Variants in TLN2 observed in about 807,000 individuals in gnomAD.
The protein encoded by TLN2 is talin 2, also known as talin-2.
TLN2 carries 118 observed loss-of-function variants against 294.7 expected under a neutral mutation model. That is an observed-to-expected ratio of 0.40 (90% CI 0.34 to 0.47). TLN2 has a LOEUF of 0.47. Among genes scored for constraint, TLN2 ranks in the 20% least tolerant of loss-of-function variants. TLN2 has a pLI of 0.84. For synonymous variants in TLN2, 1,431 were observed against 1,304.5 expected (o/e 1.10, Z -2.09); for missense variants, 3,083 against 3,282.2 (o/e 0.94, Z 1.48).
At position 62,653,162 on chromosome 15, in the gene TLN2, G is replaced by C. The variant is rs1253767261; in HGVS notation, c.365G>C (p.Gly122Ala). Reference protein sequence around the residue: ...ELLVTICSRIGITNYEEYSLI... With the variant: ...ELLVTICSRIAITNYEEYSLI... Reference sequence around the variant, plus strand: ...TTATAACCTAATTTCCAATGTTTAGGAATAACAAATTATGAAGAATACTCC... The same window carrying C: ...TTATAACCTAATTTCCAATGTTTAGCAATAACAAATTATGAAGAATACTCC... Residue 122 changes from glycine to alanine, a missense_variant and splice_region_variant, in exon 7 of 59, where the codon GGA (glycine) becomes GCA (alanine). Transcript: ENST00000636159. 2 of 1,556,208 alleles carry C rather than the reference G, an allele frequency of 1.3e-6. No individual in the cohort carries two copies. The highest frequency in any genetic ancestry group is 2.4e-5 in the South Asian group (2 of 82,896).
Position 62,767,545 on chromosome 15 carries a change from G to C in TLN2, c.5196+1123G>C, listed in dbSNP as rs1185471809. 2.6e-5 allele frequency among the ~76,000 whole-genome samples: 4 copies of C among 152,220 alleles called. No individual in the cohort carries two copies. The East Asian group carries it at 7.7e-4, about 29-fold the overall frequency. On this transcript the variant is annotated intron_variant, in intron 41 of 58. Transcript: ENST00000636159. ...GTAGAGACGGGGTTTCTCCGTGTTG[G>C]TCAGGCTGGTCTCAAACTCCCAACC...
Position 62,652,034 on chromosome 15 carries a change from A to C in TLN2, c.264A>C (p.Arg88Ser). The change falls in exon 6 of 59, where the codon AGA becomes AGC. Residue 88 changes from arginine (R) to serine (S), a missense_variant. Coordinates refer to ENST00000636159, the MANE Select transcript of TLN2 (RefSeq NM_015059.3). ...GDILEYKKKQ[R>S]PQKIRMLDGS... ...TTTTGGAATATAAAAAGAAACAGAG[A>C]CCTCAGAAAATCCGGATGCTGGATG... is the stretch of plus-strand genomic sequence containing the variant. The C allele has an allele frequency of 6.2e-7, 1 of 1,611,336 alleles. No homozygotes were observed. The highest frequency in any genetic ancestry group is 8.5e-7 in the Non-Finnish European group (1 of 1,178,366).
intron 3 of TLN2, among the ~76,000 whole-genome samples, chr15:62,646,104 G>C (rs1298649596): frequency 2.0e-5 from 3 of 152,114 alleles, no homozygotes; most frequent in Non-Finnish European, 4.4e-5. Context: ...GCATTTATGA[G>C]CAAGTTCAAA....
chr15:62,795,390 TC>T (rs1023477723), intron 46 of TLN2, among the ~76,000 whole-genome samples: 2 of 152,076 alleles, frequency 1.3e-5, no homozygotes, highest in African/African-American at 4.8e-5. Flanking sequence ...GTTAGTGTGG[TC>T]AGGTTTATGT....
intron 1 of TLN2, among the ~76,000 whole-genome samples, chr15:62,526,991 C>A (rs528711366): frequency 1.3e-5 from 2 of 152,116 alleles, no homozygotes; most frequent in African/African-American, 4.8e-5. Context: ...TGTATATTTA[C>A]AATATACATA....
chr15:62,711,805 G>C, intron 21 of TLN2, 106 bp from the exon 22 acceptor site: 2 of 1,291,068 alleles, frequency 1.5e-6, no homozygotes, highest in South Asian at 3.5e-5. Flanking sequence ...CAGTTTTTTT[G>C]CTCCTGCTTA....
At chr15:62,816,181 G>A (rs1247397848) in intron 52 of TLN2, among the ~76,000 whole-genome samples, 1 of 152,202 alleles carries the variant, frequency 6.6e-6, no homozygotes, top group Non-Finnish European at 1.5e-5. Flanking sequence ...ATCTAATTTC[G>A]ACAGAGCCAT....
chr15:62,556,584 C>T (rs1235340739), intron 1 of TLN2, among the ~76,000 whole-genome samples: 1 of 152,120 alleles, frequency 6.6e-6, no homozygotes, highest in Non-Finnish European at 1.5e-5. Flanking sequence ...CAGGTGTGAG[C>T]CACCATGTCC....
At chr15:62,638,710 A>C in intron 3 of TLN2, 2 of 441,380 alleles carry the variant, frequency 4.5e-6, no homozygotes, top group South Asian at 3.2e-5. Context: ...GGAGGGTAGA[A>C]ATGCTGACTT....
intron 25 of TLN2, among the ~76,000 whole-genome samples, chr15:62,720,404 C>T (rs913382959): frequency 2.0e-5 from 3 of 152,134 alleles, no homozygotes; most frequent in African/African-American, 4.8e-5. Flanking sequence ...TTCCCCTTTA[C>T]GTGCTTCTTA....
rs563447751 is a variant in TLN2, at chr15:62,465,974, C to T, written c.-238+75289C>T. ...CTCATTCCTGTGGAGTAGGAGGTCG[C>T]GAGGGACTGGCGTGGTGGCTGGTGA... On this transcript the variant is annotated intron_variant, in intron 1 of 58. Transcript: ENST00000636159. Among the ~76,000 whole-genome samples the T allele has an allele frequency of 5.9e-5, 9 of 152,212 alleles. 1 individual carries two copies. Among genetic ancestry groups the T allele is most frequent in the African/African-American group, 1.9e-4 (8 of 41,552 alleles).
At chr15:62,694,029 C>T (rs762304752) in intron 13 of TLN2, among the ~76,000 whole-genome samples, 2 of 146,812 alleles carry the variant, frequency 1.4e-5, no homozygotes, top group Non-Finnish European at 3.0e-5. Context: ...AGTGCAGTGG[C>T]GCTGTCTCGG....
Position 62,781,127 on chromosome 15 carries a change from C to G in TLN2, c.5515-13C>G, listed in dbSNP as rs1359603514. 6.2e-7 allele frequency: 1 copy of G among 1,606,786 alleles called. No homozygotes were observed. The highest frequency in any genetic ancestry group is 1.7e-4 in the Middle Eastern group (1 of 6,052). On this transcript the variant is annotated splice_polypyrimidine_tract_variant and intron_variant, in intron 43 of 58. Coordinates refer to ENST00000636159, the MANE Select transcript of TLN2 (RefSeq NM_015059.3). ...TTCTTATGACCTTTGGATTCTTTTC[C>G]TCTCCTCTGTAGCTGGATGAAGGCA...
intron 24 of TLN2, 84 bp downstream of exon 24, chr15:62,717,773 A>G (rs188794399): frequency 3.3e-4 from 329 of 982,770 alleles, no homozygotes; most frequent in Non-Finnish European, 4.4e-4. Context: ...GTAGTTCAGT[A>G]AAGACAGATT....
rs889720916 is a variant in TLN2 at position 62,396,052 on chromosome 15, C to T, written c.-238+5367C>T. On this transcript the variant is annotated intron_variant, in intron 1 of 58. Coordinates refer to ENST00000636159, the MANE Select transcript of TLN2 (RefSeq NM_015059.3). ...ATTTCACCATGTTGGCCAGGCTGGT[C>T]TCGAACTTCTGACCCAAGTGATCCA... Among the ~76,000 whole-genome samples, 13 of 134,782 alleles carry T rather than the reference C, an allele frequency of 9.6e-5. No homozygotes were observed. In the East Asian group the frequency reaches 3.6e-3, roughly 37 times the overall value. 88.4% of individuals were successfully genotyped at this position (134,782 alleles called of 152,430 possible).
At chr15:62,429,362 G>A (rs1440683700) in intron 1 of TLN2, among the ~76,000 whole-genome samples, 2 of 152,094 alleles carry the variant, frequency 1.3e-5, no homozygotes, top group South Asian at 2.1e-4. Context: ...TAGGTGCTTC[G>A]AAAATCGAAA....
chr15:62,564,122 T>C (rs1567106932), intron 1 of TLN2, among the ~76,000 whole-genome samples: 1 of 152,186 alleles, frequency 6.6e-6, no homozygotes, highest in Non-Finnish European at 1.5e-5. Context: ...CCTAATATAG[T>C]CAAAGTTTGG....
intron 34 of TLN2, among the ~76,000 whole-genome samples, chr15:62,750,897 T>C (rs1360730041): frequency 2.0e-5 from 3 of 152,222 alleles, no homozygotes; most frequent in Admixed American, 2.0e-4. Context: ...AGTCCTTCAG[T>C]AACTTGACTT....
intron 1 of TLN2, among the ~76,000 whole-genome samples, chr15:62,577,356 A>G (rs1285627138): frequency 6.6e-6 from 1 of 152,182 alleles, no homozygotes; most frequent in Admixed American, 6.5e-5. Flanking sequence ...AGGCAGGTGA[A>G]TCACTTGAAC....
Sources: gnomAD v4.1 joint callset for allele counts (sites outside exome capture counted in the v4.1 genomes callset) on GRCh38, gnomAD v4.1.1 for gene constraint, MANE v1.5 for transcripts, NCBI Gene and HGNC (gene_info 2026-07-23, HGNC 2026-07-21) for gene names.